Variants in DVL1 observed in about 807,000 individuals in gnomAD.
DVL1 encodes dishevelled segment polarity protein 1.
A neutral mutation model predicts 65.0 loss-of-function variants in DVL1; 49 were observed. The ratio of observed to expected loss-of-function variants is 0.75; its 90% confidence interval spans 0.60 to 0.96. The LOEUF (loss-of-function observed/expected upper bound fraction) is 0.96. Ranked by LOEUF, DVL1 falls within the 40% of genes least tolerant of loss-of-function variation. DVL1 has a pLI of 0.00. For synonymous variants in DVL1, 608 were observed against 433.9 expected (o/e 1.40, Z -4.99); for missense variants, 1,197 against 1,045.4 (o/e 1.15, Z -2.00).
In DVL1 at chr1:1,335,593, C is replaced by T. The variant is rs138223763; in HGVS notation, c.*549G>A. 4.7e-3 allele frequency: 731 copies of T among 154,170 alleles called. 6 individuals are homozygous for T. The highest frequency in any genetic ancestry group is 0.016 in the African/African-American group (681 of 41,556). The allele number at this position is 154,170 out of a possible 1,614,324, so 9.6% of individuals were successfully genotyped here. ...GTGGGCAGGATGTCCAGCCCTCTCTCGTCTTCCGGTCCCGTCCTCCACGTA... is the reference window on the plus strand; with the variant it reads ...GTGGGCAGGATGTCCAGCCCTCTCTTGTCTTCCGGTCCCGTCCTCCACGTA... On this transcript the variant is annotated 3_prime_UTR_variant, in exon 15 of 15. Transcript: ENST00000378888.
chr1:1,341,295 C>A (rs1169130535), intron 5 of DVL1, among the ~76,000 whole-genome samples: 1 of 151,362 alleles, frequency 6.6e-6, no homozygotes, highest in Non-Finnish European at 1.5e-5. Context: ...GCACCTCACA[C>A]ACACATACAT....
rs996380627 is a variant in DVL1 at position 1,335,986 on chromosome 1, G to C, written c.*156C>G. 4.0e-5 allele frequency: 40 copies of C among 1,007,098 alleles called. No homozygotes were observed. Among genetic ancestry groups the C allele is most frequent in the Admixed American group, 7.8e-5 (3 of 38,552 alleles). 62.4% of individuals were successfully genotyped at this position (1,007,098 alleles called of 1,614,324 possible). A position where few individuals can be genotyped will look rare whatever the true frequency, so the allele number is the denominator to read the frequency against. On this transcript the variant is annotated 3_prime_UTR_variant, in exon 15 of 15. Transcript: ENST00000378888. Reference sequence around the variant, plus strand: ...TCAGACACAGGTGCTGTCAGGAGCTGGAGCAGCCAGGCTGCCAGGGCAGAT... The same window carrying C: ...TCAGACACAGGTGCTGTCAGGAGCTCGAGCAGCCAGGCTGCCAGGGCAGAT...
chr1:1,342,301 T>C, intron 3 of DVL1, 62 bp downstream of exon 3: 1 of 1,510,634 alleles, frequency 6.6e-7, no homozygotes, highest in East Asian at 2.5e-5. Context: ...CCCTCCCCTG[T>C]TGGCCAGCAA....
At chr1:1,344,770 C>T (rs1460854873) in intron 1 of DVL1, among the ~76,000 whole-genome samples, 4 of 152,184 alleles carry the variant, frequency 2.6e-5, no homozygotes, top group Admixed American at 1.3e-4. Flanking sequence ...GCGGGCCCCA[C>T]GGACACCGAG....
At position 1,349,069 on chromosome 1, in the gene DVL1, G is replaced by A. The variant is rs762694099; in HGVS notation, c.-4C>T. 3.9e-5 allele frequency: 57 copies of A among 1,472,120 alleles called. No individual in the cohort carries two copies. Among genetic ancestry groups the A allele is most frequent in the Non-Finnish European group, 4.8e-5 (53 of 1,102,590 alleles). The allele number at this position is 1,472,120 out of a possible 1,614,324, so 91.2% of individuals were successfully genotyped here. A position where few individuals can be genotyped will look rare whatever the true frequency, so the allele number is the denominator to read the frequency against. ...AGATAATCTTGGTCTCCGCCATGGC[G>A]CGGCGGCGGCGCGGAGCCCGCGCGC... On this transcript the variant is annotated 5_prime_UTR_variant, in exon 1 of 15. Transcript: ENST00000378888. The surrounding 1 kb of genome is among the most constrained non-coding windows in gnomAD (Gnocchi z 4.1).
chr1:1,337,311 C>A (rs1308370164), intron 14 of DVL1, among the ~76,000 whole-genome samples: 1 of 152,184 alleles, frequency 6.6e-6, no homozygotes, highest in Admixed American at 6.5e-5. Flanking sequence ...CCTGCAGACG[C>A]CCCTGCTGGC....
intron 1 of DVL1, among the ~76,000 whole-genome samples, chr1:1,348,480 A>G (rs1643955690): frequency 6.6e-6 from 1 of 152,204 alleles, no homozygotes; most frequent in African/African-American, 2.4e-5. Flanking sequence ...CCTAGCAGAC[A>G]GGTTGGTGAA....
Position 1,342,731 on chromosome 1 carries a change from G to A in DVL1, c.198C>T (p.Asp66=), listed in dbSNP as rs1369877235. 1.2e-6 allele frequency: 2 copies of A among 1,613,070 alleles called. No homozygotes were observed. The highest frequency in any genetic ancestry group is 1.7e-6 in the Non-Finnish European group (2 of 1,179,778). ...FGVVKEEIFD[D]NAKLPCFNGR... ...CGTTGAAGCAGGGAAGCTTGGCATT[G>A]TCATCAAAGATCTCCTCCTTCACCA... Residue 66 remains aspartate, a synonymous_variant, in exon 2 of 15, where the codon GAC becomes GAT. Transcript: ENST00000378888.
rs1364172040 is a variant in DVL1 at position 1,339,347 on chromosome 1, A to T, written c.1147T>A (p.Ser383Thr). Residue 383 changes from serine (S) to threonine (T), a missense_variant, in exon 11 of 15, where the codon TCC (serine) becomes ACC (threonine). By Grantham distance (58) the Ser-to-Thr change is moderately conservative (BLOSUM62 1). Transcript: ENST00000378888. ...GAGCTGGTGCGCGTGACGGCGCTGG[A>T]GCAGGGACTCGTACCGTAGCGGGGC... ...ALPRYGTSPC[S>T]SAVTRTSSSS... 1.4e-5 allele frequency: 21 copies of T among 1,548,692 alleles called. No individual in the cohort carries two copies. The highest frequency in any genetic ancestry group is 1.8e-5 in the Non-Finnish European group (21 of 1,146,878).
intron 14 of DVL1, chr1:1,336,998 C>CG: frequency 1.0e-6 from 1 of 990,974 alleles, no homozygotes; most frequent in Non-Finnish European, 1.2e-6. Flanking sequence ...TGAGGGACCC[C>CG]GGGCGGGACC....
chr1:1,339,848 T>A, intron 8 of DVL1, 36 bp from the exon 9 acceptor site: 2 of 1,524,716 alleles, frequency 1.3e-6, no homozygotes, highest in Non-Finnish European at 1.8e-6. Flanking sequence ...GCAGGCAGGA[T>A]GTGCAGCTCA....
intron 1 of DVL1, among the ~76,000 whole-genome samples, chr1:1,348,485 G>A (rs1292023156): frequency 6.6e-6 from 1 of 152,174 alleles, no homozygotes; most frequent in African/African-American, 2.4e-5. Context: ...CAGACAGGTT[G>A]GTGAACCTGT....
At position 1,335,615 on chromosome 1, in the gene DVL1, C is replaced by G. The variant is rs761838615; in HGVS notation, c.*527G>C. On this transcript the variant is annotated 3_prime_UTR_variant, in exon 15 of 15. Transcript: ENST00000378888. ...TCTCGTCTTCCGGTCCCGTCCTCCA[C>G]GTACTTTCAGACTGTTGCCGGATGG... 3 of 155,284 alleles carry G rather than the reference C, an allele frequency of 1.9e-5. No homozygotes were observed. The highest frequency in any genetic ancestry group is 4.8e-5 in the African/African-American group (2 of 41,466). The allele number at this position is 155,284 out of a possible 1,614,324, so 9.6% of individuals were successfully genotyped here.
In DVL1 at chr1:1,342,038, A is replaced by G; in HGVS notation, c.466+15T>C. ...AGGCTGGGGGTCCACAGCTGGGCAG[A>G]CATGACCACTGTACCCTCCTCGCGG... On this transcript the variant is annotated intron_variant, in intron 4 of 14. Coordinates refer to ENST00000378888, the MANE Select transcript of DVL1 (RefSeq NM_001330311.2). 6.4e-7 allele frequency: 1 copy of G among 1,554,946 alleles called. No homozygotes were observed. The highest frequency in any genetic ancestry group is 8.7e-7 in the Non-Finnish European group (1 of 1,146,978).
chr1:1,345,857 G>A (rs1246282514), intron 1 of DVL1, among the ~76,000 whole-genome samples: 2 of 152,132 alleles, frequency 1.3e-5, no homozygotes, highest in Admixed American at 1.3e-4. Context: ...GCACGCCCCA[G>A]GTCAGGGCCC....
Position 1,339,427 on chromosome 1 carries a change from C to T in DVL1, c.1067G>A (p.Arg356Gln), listed in dbSNP as rs11583882. The change falls in exon 11 of 15, where the codon CGG (arginine) becomes CAG (glutamine). Residue 356 changes from arginine (R) to glutamine (Q), a missense_variant. Transcript: ENST00000378888. Reference sequence around the variant, plus strand: ...CAGCCAGGCGGCGGGGTCGATGGGCCGCACCGGGTCAGCTGGGTGGCCGCC... The same window carrying T: ...CAGCCAGGCGGCGGGGTCGATGGGCTGCACCGGGTCAGCTGGGTGGCCGCC... ...YFTVPRADPV[R>Q]PIDPAAWLSH... is the part of the protein sequence containing the mutation. 1.4e-5 allele frequency: 21 copies of T among 1,548,320 alleles called. No individual in the cohort carries two copies. The highest frequency in any genetic ancestry group is 7.3e-5 in the East Asian group (3 of 40,854).
intron 5 of DVL1, among the ~76,000 whole-genome samples, chr1:1,341,051 ACACACATGCACACCTGCACACACGCACC>A (rs1643796767): frequency 6.9e-6 from 1 of 145,494 alleles, no homozygotes; most frequent in African/African-American, 2.6e-5. Flanking sequence ...GCACCCCTGC[ACACACATGCACACCTGCACACACGCACC>A]CCTGCACACA....
chr1:1,336,998 C>G, intron 14 of DVL1: 1 of 990,974 alleles, frequency 1.0e-6, no homozygotes, highest in Non-Finnish European at 1.2e-6. Flanking sequence ...TGAGGGACCC[C>G]GGGCGGGACC....
chr1:1,337,933 TG>T, intron 14 of DVL1, 43 bp downstream of exon 14: 1 of 1,514,552 alleles, frequency 6.6e-7, no homozygotes, highest in Non-Finnish European at 9.1e-7. Context: ...GGGGCGGAGC[TG>T]GGGGCGGAGC....
Sources: gnomAD v4.1 joint callset for allele counts (sites outside exome capture counted in the v4.1 genomes callset) on GRCh38, gnomAD v4.1.1 for gene constraint, Gnocchi (gnomAD v3.1) non-coding constraint, MANE v1.5 for transcripts, NCBI Gene and HGNC (gene_info 2026-07-23, HGNC 2026-07-21) for gene names.